Variants in ADAM15 observed in about 807,000 individuals in gnomAD.
The protein encoded by ADAM15 is disintegrin and metalloproteinase domain-containing protein 15.
A neutral mutation model predicts 113.8 loss-of-function variants in ADAM15; 77 were observed. The observed-to-expected ratio is 0.68, with a 90% CI of 0.56 to 0.82. The LOEUF (loss-of-function observed/expected upper bound fraction) is 0.82. Among genes scored for constraint, ADAM15 ranks in the 40% least tolerant of loss-of-function variants. The pLI is 0.00. For missense variants in ADAM15, 963 were observed against 1,120.1 expected (o/e 0.86, Z 2.00); for synonymous variants, 388 against 454.1 (o/e 0.85, Z 1.85).
chr1:155,053,137 G>C (rs1374756587), intron 2 of ADAM15, among the ~76,000 whole-genome samples: 5 of 116,766 alleles, frequency 4.3e-5, no homozygotes, highest in African/African-American at 1.0e-4. Context: ...TTCTAAAGCT[G>C]AGTCAGAGGA....
intron 1 of ADAM15, chr1:155,052,218 G>T (rs1213875382): frequency 4.5e-6 from 2 of 442,280 alleles, no homozygotes; most frequent in Admixed American, 3.8e-5. Flanking sequence ...GGAGGTGGGG[G>T]TGTTTGCACT....
Position 155,060,983 on chromosome 1 carries a change from C to T in ADAM15, c.2277+151C>T, listed in dbSNP as rs1662500619. 6 of 729,494 alleles carry T rather than the reference C, an allele frequency of 8.2e-6. No homozygotes were observed. In the Admixed American group the frequency reaches 1.1e-4, roughly 14 times the overall value. The allele number at this position is 729,494 out of a possible 1,614,324, so 45.2% of individuals were successfully genotyped here. A position where few individuals can be genotyped will look rare whatever the true frequency, so the allele number is the denominator to read the frequency against. On this transcript the variant is annotated intron_variant, in intron 19 of 22. Coordinates refer to ENST00000356955, the MANE Select transcript of ADAM15 (RefSeq NM_207197.3). ...GGAGTCAGGGCCAGCCCTGCCCTCC[C>T]CTCCCCTGGCTACAGGCAGGGAAGC...
chr1:155,055,382 C>T (rs1274631685), intron 6 of ADAM15: 1 of 201,506 alleles, frequency 5.0e-6, no homozygotes, highest in Non-Finnish European at 1.0e-5. Flanking sequence ...CCCGCCACTA[C>T]ACCCGGCTAA....
Position 155,058,652 on chromosome 1 carries a change from C to T in ADAM15, c.1918-58C>T, listed in dbSNP as rs1437251649. On this transcript the variant is annotated intron_variant, in intron 15 of 22. Coordinates refer to ENST00000356955, the MANE Select transcript of ADAM15 (RefSeq NM_207197.3). The surrounding 1 kb of genome is among the most constrained non-coding windows in gnomAD (Gnocchi z 4.3). ...GGTATGGCCTCAACCTTATTGGCCT[C>T]CCAGTCCCATTAAAGCTTTGTGGGA... 3 of 1,581,182 alleles carry T rather than the reference C, an allele frequency of 1.9e-6. No homozygotes were observed.
intron 3 of ADAM15, 123 bp from the exon 4 acceptor site, chr1:155,053,787 G>A (rs746370894): frequency 4.4e-6 from 5 of 1,135,748 alleles, no homozygotes; most frequent in African/African-American, 3.1e-5. Flanking sequence ...GGGGTCAGGA[G>A]TGGAAAAGTT....
Position 155,057,843 on chromosome 1 carries a change from C to T in ADAM15, c.1417-8C>T. The T allele has an allele frequency of 6.2e-7, 1 of 1,613,074 alleles. No homozygotes were observed. Among genetic ancestry groups the T allele is most frequent in the Non-Finnish European group, 8.5e-7 (1 of 1,179,342 alleles). ...GTGCCCACACTGATGCTCATCCACC[C>T]TCCACAGCTGCGCCCGTCTGGCTGG... On this transcript the variant is annotated splice_region_variant and splice_polypyrimidine_tract_variant and intron_variant, in intron 13 of 22. Transcript: ENST00000356955. The surrounding 1 kb of genome is among the most constrained non-coding windows in gnomAD (Gnocchi z 5.0).
intron 19 of ADAM15, chr1:155,061,206 A>C: frequency 1.7e-6 from 1 of 587,038 alleles, no homozygotes; most frequent in Non-Finnish European, 3.0e-6. Flanking sequence ...GAGCATCCCC[A>C]CCCTGAGCCC....
chr1:155,056,592 G>A lies in ADAM15; in HGVS notation c.999+122G>A. ...CCCAAAGCTACAGGTATAGAGGGTG[G>A]AGGTACGTGATGTGGCCTTTGCTAT... is the stretch of plus-strand genomic sequence containing the variant. On this transcript the variant is annotated intron_variant, in intron 10 of 22. Transcript: ENST00000356955. This position sits in a 1 kb window ranked among gnomAD's most constrained non-coding sequence, Gnocchi z 4.0. The A allele has an allele frequency of 1.1e-6, 1 of 948,742 alleles. No individual in the cohort carries two copies. The highest frequency in any genetic ancestry group is 1.6e-6 in the Non-Finnish European group (1 of 628,400). 58.8% of individuals were successfully genotyped at this position (948,742 alleles called of 1,614,324 possible).
Position 155,057,682 on chromosome 1 carries a change from C to G in ADAM15, c.1369C>G (p.Pro457Ala). 2 of 1,614,164 alleles carry G rather than the reference C, an allele frequency of 1.2e-6. No individual in the cohort carries two copies. The highest frequency in any genetic ancestry group is 1.7e-6 in the Non-Finnish European group (2 of 1,180,028). Residue 457 changes from proline (P) to alanine (A), a missense_variant, in exon 13 of 23, where the codon CCA becomes GCA. Transcript: ENST00000356955. This position sits in a 1 kb window ranked among gnomAD's most constrained non-coding sequence, Gnocchi z 5.0. Reference sequence around the variant, plus strand: ...TGATTCTTTGACCTGCCAGCTGAGGCCAGGTGCACAGTGTGCATCTGACGG... The same window carrying G: ...TGATTCTTTGACCTGCCAGCTGAGGGCAGGTGCACAGTGTGCATCTGACGG... ...CCDSLTCQLR[P>A]GAQCASDGPC... is the part of the protein sequence containing the mutation.
chr1:155,052,919 C>T (rs1026418900), intron 2 of ADAM15, 142 bp downstream of exon 2: 2 of 1,094,064 alleles, frequency 1.8e-6, no homozygotes, highest in South Asian at 1.6e-5. Flanking sequence ...GCTGCCTCTC[C>T]CACCACACCC....
Position 155,059,915 on chromosome 1 carries a change from A to G in ADAM15, c.2009A>G (p.Asn670Ser), listed in dbSNP as rs1662336606. The change falls in exon 17 of 23, where the codon AAC (asparagine) becomes AGC (serine). Residue 670 changes from asparagine to serine, a missense_variant. By Grantham distance (46) the Asn-to-Ser change is conservative. Coordinates refer to ENST00000356955, the MANE Select transcript of ADAM15 (RefSeq NM_207197.3). ...KCHGHGVCDS[N>S]RHCYCEEGWA... ...TGTACCTCCTAGGTCTGTGACAGCA[A>G]CAGGCACTGCTACTGTGAGGAGGGC... 1.2e-6 allele frequency: 2 copies of G among 1,613,912 alleles called. No individual in the cohort carries two copies. Among genetic ancestry groups the G allele is most frequent in the Admixed American group, 1.7e-5 (1 of 60,000 alleles).
chr1:155,054,724 T>C (rs1661531945), intron 6 of ADAM15, among the ~76,000 whole-genome samples: 2 of 152,046 alleles, frequency 1.3e-5, no homozygotes, highest in African/African-American at 4.8e-5. Flanking sequence ...ACAAAAAGTA[T>C]CTGGGCATGG....
chr1:155,053,781 T>A (rs1661402649), intron 3 of ADAM15, 129 bp from the exon 4 acceptor site: 8 of 1,052,582 alleles, frequency 7.6e-6, no homozygotes, highest in Non-Finnish European at 9.8e-6. Context: ...TGCCCCGGGG[T>A]CAGGAGTGGA....
At position 155,058,090 on chromosome 1, in the gene ADAM15, T is replaced by G; in HGVS notation, c.1656T>G (p.Thr552=). Reference sequence around the variant, plus strand: ...CACTTTGCCTCCAGACAGCTAATACTCGGGGAAATGCTTTTGGGAGCTGTG... The same window carrying G: ...CACTTTGCCTCCAGACAGCTAATACGCGGGGAAATGCTTTTGGGAGCTGTG... ...AAPLCLQTAN[T]RGNAFGSCGR... The change falls in exon 14 of 23, where the codon ACT becomes ACG. Residue 552 remains threonine (T), a synonymous_variant. Coordinates refer to ENST00000356955, the MANE Select transcript of ADAM15 (RefSeq NM_207197.3). The surrounding 1 kb of genome is among the most constrained non-coding windows in gnomAD (Gnocchi z 4.3). The G allele has an allele frequency of 6.2e-7, 1 of 1,614,020 alleles. No homozygotes were observed. The highest frequency in any genetic ancestry group is 8.5e-7 in the Non-Finnish European group (1 of 1,179,904).
rs545426678 is a variant in ADAM15, at chr1:155,051,522, G to T, written c.79+57G>T. ...CGGACTGGGAGGGAGGTGCAGGAAA[G>T]TCGGAAGGCATTAGGGTAATGGGGC... On this transcript the variant is annotated intron_variant, in intron 1 of 22. Coordinates refer to ENST00000356955, the MANE Select transcript of ADAM15 (RefSeq NM_207197.3). The T allele has an allele frequency of 8.4e-4, 1,225 of 1,456,220 alleles. 7 individuals are homozygous for T. In the African/African-American group the frequency reaches 0.016, roughly 20 times the overall value. 90.2% of individuals were successfully genotyped at this position (1,456,220 alleles called of 1,614,324 possible). A position where few individuals can be genotyped will look rare whatever the true frequency, so the allele number is the denominator to read the frequency against.
At position 155,055,718 on chromosome 1, in the gene ADAM15, T is replaced by C. The variant is rs1661661713; in HGVS notation, c.613-72T>C. The C allele has an allele frequency of 9.0e-6, 14 of 1,547,792 alleles. No individual in the cohort carries two copies. In the South Asian group the frequency reaches 1.3e-4, roughly 15 times the overall value. The stretch of plus-strand genomic sequence containing the variant: ...GACCCACAGAGTAGGAGTGGCTGCC[T>C]CTTGGTCAGCCCGGCACAGCTGCTG... On this transcript the variant is annotated intron_variant, in intron 6 of 22. Coordinates refer to ENST00000356955, the MANE Select transcript of ADAM15 (RefSeq NM_207197.3).
At chr1:155,052,825 C>G (rs199786202) in intron 2 of ADAM15, 48 bp downstream of exon 2, 2 of 1,553,834 alleles carry the variant, frequency 1.3e-6, no homozygotes, top group Admixed American at 1.9e-5. Context: ...ACACACGCCC[C>G]GGTATAGCCA....
Position 155,057,184 on chromosome 1 carries a change from C to T in ADAM15, c.1149-4C>T, listed in dbSNP as rs768504040. 3.1e-6 allele frequency: 5 copies of T among 1,609,350 alleles called. No individual in the cohort carries two copies. Among genetic ancestry groups the T allele is most frequent in the Middle Eastern group, 1.7e-4 (1 of 6,046 alleles). ...GCCCCAACCTTCCTTGCCACCCTCC[C>T]CAGCTTCCTACCAGGCCTGAACTTC... On this transcript the variant is annotated splice_polypyrimidine_tract_variant and splice_region_variant and intron_variant, in intron 11 of 22. Coordinates refer to ENST00000356955, the MANE Select transcript of ADAM15 (RefSeq NM_207197.3). This position sits in a 1 kb window ranked among gnomAD's most constrained non-coding sequence, Gnocchi z 5.0.
At position 155,055,774 on chromosome 1, in the gene ADAM15, T is replaced by G. The variant is rs1175943326; in HGVS notation, c.613-16T>G. The G allele has an allele frequency of 6.2e-7, 1 of 1,614,152 alleles. No homozygotes were observed. The highest frequency in any genetic ancestry group is 1.7e-5 in the Admixed American group (1 of 60,014). The stretch of plus-strand genomic sequence containing the variant: ...GAGCGGCAGGTTTGCCTGATAATTC[T>G]TCTTGTCCATAGTAGAGGCGGGATG... On this transcript the variant is annotated splice_polypyrimidine_tract_variant and intron_variant, in intron 6 of 22. Coordinates refer to ENST00000356955, the MANE Select transcript of ADAM15 (RefSeq NM_207197.3).
Sources: gnomAD v4.1 joint callset for allele counts (sites outside exome capture counted in the v4.1 genomes callset) on GRCh38, gnomAD v4.1.1 for gene constraint, Gnocchi (gnomAD v3.1) non-coding constraint, MANE v1.5 for transcripts, NCBI Gene and HGNC (gene_info 2026-07-23, HGNC 2026-07-21) for gene names.